The following KCNMB2 variants were observed in gnomAD, a reference collection of about 807,000 sequenced individuals.
The protein encoded by KCNMB2 is potassium calcium-activated channel subfamily M regulatory beta subunit 2.
KCNMB2 carries 9 observed loss-of-function variants against 24.5 expected under a neutral mutation model. The ratio of observed to expected loss-of-function variants is 0.37; its 90% CI spans 0.22 to 0.64. The LOEUF (loss-of-function observed/expected upper bound fraction) is 0.64. Among genes scored for constraint, KCNMB2 ranks in the 30% least tolerant of loss-of-function variants. The pLI is 0.63. For missense variants in KCNMB2, 226 were observed against 284.3 expected (o/e 0.79, Z 1.47); for synonymous variants, 109 against 104.4 (o/e 1.04, Z -0.27).
chr3:178,649,475 C>T (rs1471426397), intron 1 of KCNMB2, among the ~76,000 whole-genome samples: 7 of 149,524 alleles, frequency 4.7e-5, no homozygotes, highest in South Asian at 2.1e-4. Context: ...TGGTAGAATT[C>T]GGCTGTGAAC....
chr3:178,827,607 GGTTGA>G (rs538513456), intron 3 of KCNMB2, among the ~76,000 whole-genome samples: 111 of 152,262 alleles, frequency 7.3e-4, no homozygotes, highest in South Asian at 2.5e-3. Context: ...ATAATGAAAG[GGTTGA>G]GTTATCTTTT....
chr3:178,567,666 ATGCGCCAGGACATT>A (rs1387136680), intron 1 of KCNMB2, among the ~76,000 whole-genome samples: 33 of 152,288 alleles, frequency 2.2e-4, no homozygotes, highest in Non-Finnish European at 3.7e-4. Context: ...AAAGAGCAGC[ATGCGCCAGGACATT>A]TGCGCCAGGA....
At chr3:178,567,560 T>A (rs1716570482) in intron 1 of KCNMB2, among the ~76,000 whole-genome samples, 1 of 152,116 alleles carries the variant, frequency 6.6e-6, no homozygotes, top group South Asian at 2.1e-4. Flanking sequence ...CACATTTTGC[T>A]ATAGTCAGGC....
intron 1 of KCNMB2, among the ~76,000 whole-genome samples, chr3:178,626,925 C>T (rs1719142472): frequency 6.7e-6 from 1 of 148,666 alleles, no homozygotes; most frequent in African/African-American, 2.5e-5. Context: ...ATATATATAA[C>T]TTAACTATAC....
intron 1 of KCNMB2, among the ~76,000 whole-genome samples, chr3:178,744,855 G>T: frequency 6.6e-6 from 1 of 152,062 alleles, no homozygotes; most frequent in Non-Finnish European, 1.5e-5. Flanking sequence ...CTTTCTATTT[G>T]CCTGCTCTAC....
chr3:178,572,505 A>G (rs989573254), intron 1 of KCNMB2, among the ~76,000 whole-genome samples: 1 of 152,236 alleles, frequency 6.6e-6, no homozygotes, highest in East Asian at 1.9e-4. Context: ...TTAGAACATG[A>G]TATCTAGTAG....
chr3:178,700,554 GA>G (rs1722050659), intron 1 of KCNMB2, among the ~76,000 whole-genome samples: 1 of 152,208 alleles, frequency 6.6e-6, no homozygotes, highest in South Asian at 2.1e-4. Flanking sequence ...ACAAGCCCAA[GA>G]AGGTGAAAAG....
At chr3:178,662,515 C>A (rs1720568488) in intron 1 of KCNMB2, among the ~76,000 whole-genome samples, 1 of 152,072 alleles carries the variant, frequency 6.6e-6, no homozygotes, top group Admixed American at 6.6e-5. Context: ...TGGTCTTATA[C>A]CTTTTCTGTG....
At chr3:178,816,515 T>C (rs1203941716) in intron 2 of KCNMB2, among the ~76,000 whole-genome samples, 2 of 152,104 alleles carry the variant, frequency 1.3e-5, no homozygotes, top group Non-Finnish European at 2.9e-5. Flanking sequence ...TTATACTTTG[T>C]TTTAGTATAT....
intron 1 of KCNMB2, among the ~76,000 whole-genome samples, chr3:178,792,456 GA>G (rs1261597888): frequency 1.3e-5 from 2 of 151,518 alleles, no homozygotes; most frequent in African/African-American, 2.4e-5. Context: ...CATACCACTA[GA>G]AAAAAAATTA....
intron 1 of KCNMB2, among the ~76,000 whole-genome samples, chr3:178,740,361 C>T (rs1723455780): frequency 6.6e-6 from 1 of 152,068 alleles, no homozygotes; most frequent in Non-Finnish European, 1.5e-5. Context: ...ACCTCATGAT[C>T]TGCCCGCCTC....
chr3:178,643,770 A>G (rs1174307838), intron 1 of KCNMB2, among the ~76,000 whole-genome samples: 1 of 152,138 alleles, frequency 6.6e-6, no homozygotes, highest in Non-Finnish European at 1.5e-5. Context: ...GGTACTTTCA[A>G]GGATTCCTCA....
chr3:178,663,255 G>C (rs151232808), intron 1 of KCNMB2, among the ~76,000 whole-genome samples: 40 of 152,158 alleles, frequency 2.6e-4, no homozygotes, highest in African/African-American at 9.6e-4. Context: ...CAAACCTAGG[G>C]TTAATGTGGA....
At chr3:178,626,440 C>T (rs1719121212) in intron 1 of KCNMB2, among the ~76,000 whole-genome samples, 3 of 152,154 alleles carry the variant, frequency 2.0e-5, no homozygotes, top group African/African-American at 7.2e-5. Context: ...CATTTTCACA[C>T]TGCTATAAAG....
chr3:178,672,637 C>T (rs1720941923), intron 1 of KCNMB2, among the ~76,000 whole-genome samples: 1 of 152,178 alleles, frequency 6.6e-6, no homozygotes, highest in African/African-American at 2.4e-5. Flanking sequence ...ACACTGACTT[C>T]GTGACTTCAT....
chr3:178,568,762 AGATAGATAGAT>A lies in KCNMB2; in HGVS notation c.-68+32063_-68+32073del, dbSNP rs1347759751. Among the ~76,000 whole-genome samples the A allele has an allele frequency of 1.8e-3, 233 of 130,156 alleles. 1 individual carries two copies. Among genetic ancestry groups the A allele is most frequent in the African/African-American group, 6.5e-3 (202 of 30,990 alleles). 85.4% of individuals were successfully genotyped at this position (130,156 alleles called of 152,430 possible). ...TTAAGATGATAGATAGATAGATGAT[AGATAGATAGAT>A]GATAGATAGATAGATAGATAGATAG... On this transcript the variant is annotated intron_variant, in intron 1 of 4. Transcript: ENST00000452583.
chr3:178,580,760 A>T (rs1717166954), intron 1 of KCNMB2, among the ~76,000 whole-genome samples: 2 of 152,204 alleles, frequency 1.3e-5, no homozygotes, highest in African/African-American at 4.8e-5. Flanking sequence ...GTGAACTCCC[A>T]TTCACAATTG....
At chr3:178,586,744 C>G (rs983243358) in intron 1 of KCNMB2, among the ~76,000 whole-genome samples, 1 of 151,678 alleles carries the variant, frequency 6.6e-6, no homozygotes. Flanking sequence ...AGGGTTTCAC[C>G]GTGTTGGTCA....
chr3:178,697,948 C>T (rs1721942332), intron 1 of KCNMB2, among the ~76,000 whole-genome samples: 3 of 151,982 alleles, frequency 2.0e-5, no homozygotes, highest in Admixed American at 6.5e-5. Flanking sequence ...TTCTATCTTA[C>T]AGGGTTTCAG....
Sources: gnomAD v4.1 joint callset for allele counts (sites outside exome capture counted in the v4.1 genomes callset) on GRCh38, gnomAD v4.1.1 for gene constraint, MANE v1.5 for transcripts, NCBI Gene and HGNC (gene_info 2026-07-23, HGNC 2026-07-21) for gene names.